The following CADM1 variants were observed in gnomAD, a reference collection of about 807,000 sequenced individuals.
CADM1 encodes TSLC-1.
CADM1 carries 15 observed loss-of-function variants against 53.1 expected under a neutral mutation model. The observed-to-expected ratio is 0.28, with a 90% CI of 0.19 to 0.44. CADM1 has a LOEUF of 0.44. CADM1 is among the 20% of genes least tolerant of loss of function. The pLI is 1.00. For synonymous variants in CADM1, 281 were observed against 243.0 expected (o/e 1.16, Z -1.45); for missense variants, 434 against 611.3 (o/e 0.71, Z 3.06).
intron 1 of CADM1, among the ~76,000 whole-genome samples, chr11:115,388,459 C>T (rs1300918189): frequency 6.6e-6 from 1 of 152,056 alleles, no homozygotes; most frequent in African/African-American, 2.4e-5. Context: ...AAGTGCCTTC[C>T]CACGGATTGC....
At chr11:115,241,138 C>T (rs1655725971) in intron 1 of CADM1, among the ~76,000 whole-genome samples, 2 of 152,040 alleles carry the variant, frequency 1.3e-5, no homozygotes, top group African/African-American at 2.4e-5. Context: ...GTCAAAAAGT[C>T]GAGGCTTTCA....
chr11:115,332,152 G>C (rs899405039), intron 1 of CADM1, among the ~76,000 whole-genome samples: 1 of 152,116 alleles, frequency 6.6e-6, no homozygotes, highest in African/African-American at 2.4e-5. Context: ...GGCTGAGTAC[G>C]GAAGCAGGGA....
At chr11:115,462,337 A>T (rs1948814431) in intron 1 of CADM1, among the ~76,000 whole-genome samples, 1 of 152,174 alleles carries the variant, frequency 6.6e-6, no homozygotes, top group Admixed American at 6.6e-5. Context: ...GTTAAACCGG[A>T]AAGGAACCGC....
intron 9 of CADM1, 36 bp downstream of exon 9, chr11:115,198,370 G>A: frequency 6.4e-7 from 1 of 1,558,656 alleles, no homozygotes; most frequent in South Asian, 1.1e-5. Context: ...TCTCAGCAGT[G>A]CTGAGAAAGT....
intron 1 of CADM1, among the ~76,000 whole-genome samples, chr11:115,324,333 G>A (rs1462702441): frequency 6.6e-6 from 1 of 151,990 alleles, no homozygotes; most frequent in South Asian, 2.1e-4. Context: ...TCTAAATAAG[G>A]CAAAAGAAAA....
intron 1 of CADM1, among the ~76,000 whole-genome samples, chr11:115,497,435 G>A (rs1949643786): frequency 1.3e-5 from 2 of 152,092 alleles, no homozygotes; most frequent in African/African-American, 4.8e-5. Flanking sequence ...AGTTTCTTTT[G>A]AGTAATAATA....
At chr11:115,419,287 T>G (rs1055127711) in intron 1 of CADM1, among the ~76,000 whole-genome samples, 2 of 152,180 alleles carry the variant, frequency 1.3e-5, no homozygotes, top group African/African-American at 4.8e-5. Context: ...TTGGGTCACC[T>G]CTCCACATTC....
chr11:115,490,573 A>C (rs1409033730), intron 1 of CADM1, among the ~76,000 whole-genome samples: 1 of 151,462 alleles, frequency 6.6e-6, no homozygotes, highest in Non-Finnish European at 1.5e-5. Flanking sequence ...TAATTTTTGT[A>C]TTTTTCAGTA....
At chr11:115,438,808 T>C (rs1003671460) in intron 1 of CADM1, among the ~76,000 whole-genome samples, 1 of 152,212 alleles carries the variant, frequency 6.6e-6, no homozygotes, top group Non-Finnish European at 1.5e-5. Flanking sequence ...ATTTCAGGCC[T>C]TGGCCATATG....
chr11:115,416,861 T>C (rs1402451458), intron 1 of CADM1, among the ~76,000 whole-genome samples: 1 of 152,214 alleles, frequency 6.6e-6, no homozygotes, highest in Non-Finnish European at 1.5e-5. Context: ...GATATAATTA[T>C]TGTTTAGACT....
At chr11:115,206,755 CTTCTTTTTTTTTTTTTTTT>C (rs1235132077) in intron 8 of CADM1, among the ~76,000 whole-genome samples, 28 of 5,430 alleles carry the variant, frequency 5.2e-3, no homozygotes, top group Non-Finnish European at 0.015. Flanking sequence ...TGACTGTGGA[CTTCTTTTTTTTTTTTTTTT>C]TTTTTTTTTT....
intron 1 of CADM1, among the ~76,000 whole-genome samples, chr11:115,413,939 G>A (rs993176725): frequency 3.3e-5 from 5 of 151,854 alleles, no homozygotes; most frequent in Non-Finnish European, 7.4e-5. Context: ...CACCACACCC[G>A]GCTCCAGTTC....
intron 1 of CADM1, among the ~76,000 whole-genome samples, chr11:115,448,328 T>C (rs1164831066): frequency 6.6e-6 from 1 of 152,140 alleles, no homozygotes; most frequent in Non-Finnish European, 1.5e-5. Context: ...TTAGTTCCAA[T>C]AGTTTCTGCT....
In CADM1 at chr11:115,255,300, C is replaced by T. The variant is rs185428395; in HGVS notation, c.125-14880G>A. On this transcript the variant is annotated intron_variant, in intron 1 of 11. Transcript: ENST00000331581. ...TGCAATATGACTCAAGAGGGTTTTC[C>T]GTAGCACCCAATTGTACCAAAAATA... is the stretch of plus-strand genomic sequence containing the variant. Among the ~76,000 whole-genome samples the T allele has an allele frequency of 4.6e-5, 7 of 152,248 alleles. No individual in the cohort carries two copies. The East Asian group carries it at 7.7e-4, about 17-fold the overall frequency.
intron 1 of CADM1, among the ~76,000 whole-genome samples, chr11:115,425,400 A>C (rs976533636): frequency 6.6e-6 from 1 of 152,254 alleles, no homozygotes; most frequent in Non-Finnish European, 1.5e-5. Flanking sequence ...TAACATGCCA[A>C]GCCAAACAGG....
At chr11:115,197,312 G>T (rs1193262971) in intron 9 of CADM1, among the ~76,000 whole-genome samples, 1 of 152,186 alleles carries the variant, frequency 6.6e-6, no homozygotes, top group Non-Finnish European at 1.5e-5. Flanking sequence ...AATTAACATG[G>T]CAGGGTTGGC....
chr11:115,253,113 C>T (rs1360857042), intron 1 of CADM1, among the ~76,000 whole-genome samples: 3 of 151,988 alleles, frequency 2.0e-5, no homozygotes, highest in Non-Finnish European at 4.4e-5. Context: ...CACACACACA[C>T]ATCTCATAAC....
chr11:115,453,687 C>T (rs1455236144), intron 1 of CADM1, among the ~76,000 whole-genome samples: 4 of 152,104 alleles, frequency 2.6e-5, no homozygotes, highest in East Asian at 1.9e-4. Flanking sequence ...TTAGTAGACA[C>T]GGGGTTTTAC....
At chr11:115,353,838 C>T (rs560912299) in intron 1 of CADM1, among the ~76,000 whole-genome samples, 21 of 152,202 alleles carry the variant, frequency 1.4e-4, no homozygotes, top group Non-Finnish European at 2.1e-4. Flanking sequence ...CCCTGGATAT[C>T]GTCTCATCCC....
Sources: gnomAD v4.1 joint callset for allele counts (sites outside exome capture counted in the v4.1 genomes callset) on GRCh38, gnomAD v4.1.1 for gene constraint, MANE v1.5 for transcripts, NCBI Gene and HGNC (gene_info 2026-07-23, HGNC 2026-07-21) for gene names.